The following NFIC variants were observed in gnomAD, a reference collection of about 807,000 sequenced individuals.
NFIC encodes nuclear factor I C, also known as nuclear factor 1 C-type.
A neutral mutation model predicts 54.4 loss-of-function variants in NFIC; 12 were observed. The ratio of observed to expected loss-of-function variants is 0.22; its 90% confidence interval spans 0.14 to 0.36. The LOEUF is 0.36. Ranked by LOEUF, NFIC falls within the 10% of genes least tolerant of loss-of-function variation. The pLI is 1.00. For synonymous variants in NFIC, 322 were observed against 319.2 expected, an observed-to-expected ratio of 1.01 and a Z score of -0.09; for missense variants, 575 against 718.2, an observed-to-expected ratio of 0.80 and a Z score of 2.28.
At position 3,465,140 on chromosome 19, in the gene NFIC, C is replaced by G. The variant is rs1482090043; in HGVS notation, c.*2371C>G. The G allele has an allele frequency of 3.7e-5, 5 of 135,936 alleles. No homozygotes were observed. Among genetic ancestry groups the G allele is most frequent in the South Asian group, 4.9e-4 (2 of 4,094 alleles). 8.4% of individuals were successfully genotyped at this position (135,936 alleles called of 1,614,324 possible). A position where few individuals can be genotyped will look rare whatever the true frequency, so the allele number is the denominator to read the frequency against. On this transcript the variant is annotated 3_prime_UTR_variant, in exon 11 of 11. Coordinates refer to ENST00000443272, the MANE Select transcript of NFIC (RefSeq NM_001245002.2). ...CCTGTTCCTCGCCCCCTCCACCCCC[C>G]ACTTCCTCTTTAAAAAAAAAAAAAA...
intron 6 of NFIC, among the ~76,000 whole-genome samples, chr19:3,442,740 G>T (rs760413746): frequency 1.3e-5 from 2 of 152,038 alleles, no homozygotes; most frequent in South Asian, 4.2e-4. Context: ...GTGGCCTGGG[G>T]AGGGACAGAG....
Position 3,469,103 on chromosome 19 carries a change from A to G in NFIC, c.*6334A>G, listed in dbSNP as rs1443949001. ...TTGTTTATTTGTTCCCTATGCAAAAAAAAAATGAAAATGAAAAAAGGGGGA... is the reference window on the plus strand; with the variant it reads ...TTGTTTATTTGTTCCCTATGCAAAAGAAAAATGAAAATGAAAAAAGGGGGA... On this transcript the variant is annotated 3_prime_UTR_variant, in exon 11 of 11. Coordinates refer to ENST00000443272, the MANE Select transcript of NFIC (RefSeq NM_001245002.2). 3 of 152,276 alleles carry G rather than the reference A, an allele frequency of 2.0e-5. No individual in the cohort carries two copies. The highest frequency in any genetic ancestry group is 7.2e-5 in the African/African-American group (3 of 41,480). 9.4% of individuals were successfully genotyped at this position (152,276 alleles called of 1,614,324 possible). A position where few individuals can be genotyped will look rare whatever the true frequency, so the allele number is the denominator to read the frequency against.
Position 3,462,823 on chromosome 19 carries a change from A to G in NFIC, c.*54A>G. On this transcript the variant is annotated 3_prime_UTR_variant, in exon 11 of 11. Coordinates refer to ENST00000443272, the MANE Select transcript of NFIC (RefSeq NM_001245002.2). Reference sequence around the variant, plus strand: ...CATCGTCCCAGGAATCCCAGGGGGCAGCACAGCCGGCCCCCGGCCCACGTT... The same window carrying G: ...CATCGTCCCAGGAATCCCAGGGGGCGGCACAGCCGGCCCCCGGCCCACGTT... The G allele has an allele frequency of 6.2e-7, 1 of 1,613,224 alleles. No individual in the cohort carries two copies. The highest frequency in any genetic ancestry group is 8.5e-7 in the Non-Finnish European group (1 of 1,179,780).
chr19:3,439,238 G>A (rs1412226303), intron 6 of NFIC, among the ~76,000 whole-genome samples: 1 of 148,222 alleles, frequency 6.7e-6, no homozygotes, highest in Non-Finnish European at 1.5e-5. Flanking sequence ...GGGAGGCTGA[G>A]GTGAGAGGAT....
intron 1 of NFIC, among the ~76,000 whole-genome samples, chr19:3,367,287 C>T (rs972073214): frequency 1.3e-5 from 2 of 152,152 alleles, no homozygotes; most frequent in African/African-American, 2.4e-5. Flanking sequence ...CTCCGGCGGC[C>T]CGGCTGGGTC....
At chr19:3,428,219 C>T (rs1483493229) in intron 3 of NFIC, among the ~76,000 whole-genome samples, 4 of 148,084 alleles carry the variant, frequency 2.7e-5, no homozygotes, top group Admixed American at 6.7e-5. Context: ...GGGGCCAGGG[C>T]GCAGTGGCTT....
At chr19:3,363,462 G>A (rs2080844460), upstream of NFIC, among the ~76,000 whole-genome samples, 1 of 151,214 alleles carries the variant, frequency 6.6e-6, no homozygotes, top group South Asian at 2.1e-4. Flanking sequence ...AGTAGAGACG[G>A]GGTTTCGCCA....
chr19:3,414,291 G>T (rs1257452905), intron 2 of NFIC, among the ~76,000 whole-genome samples: 1 of 151,958 alleles, frequency 6.6e-6, no homozygotes, highest in Admixed American at 6.6e-5. Flanking sequence ...TTTTGTTTAC[G>T]ACCCTTTAAA....
chr19:3,370,733 C>A lies in NFIC; in HGVS notation c.30+4067C>A, dbSNP rs1338189973. 6.6e-6 allele frequency among the ~76,000 whole-genome samples: 1 copy of A among 151,064 alleles called. No homozygotes were observed. Among genetic ancestry groups the A allele is most frequent in the African/African-American group, 2.4e-5 (1 of 40,930 alleles). ...CTCCCTCCCTTCCTCTCTCTCTGTT[C>A]CTCCTCTTCTTTCTCTCTCTCTGTC... On this transcript the variant is annotated intron_variant, in intron 1 of 10. Transcript: ENST00000443272. This position sits in a 1 kb window ranked among gnomAD's most constrained non-coding sequence, Gnocchi z 5.2.
Position 3,382,130 on chromosome 19 carries a change from G to A in NFIC, c.449G>A (p.Arg150His), listed in dbSNP as rs2081220141. The change falls in exon 2 of 11, where the codon CGC becomes CAC. Residue 150 changes from arginine to histidine, a missense_variant. Coordinates refer to ENST00000443272, the MANE Select transcript of NFIC (RefSeq NM_001245002.2). ...CCGCTGGAGAGCACCGACGGCGAGC[G>A]CCTGGTCAAGGCTGCGCAGTGCGGT... ...GIPLESTDGE[R>H]LVKAAQCGHP... The A allele has an allele frequency of 1.9e-6, 3 of 1,613,298 alleles. No individual in the cohort carries two copies. The highest frequency in any genetic ancestry group is 2.2e-5 in the East Asian group (1 of 44,882).
intron 6 of NFIC, among the ~76,000 whole-genome samples, chr19:3,448,289 T>A (rs1240950143): frequency 6.6e-6 from 1 of 152,176 alleles, no homozygotes; most frequent in Non-Finnish European, 1.5e-5. Flanking sequence ...GCCAGGCTGG[T>A]CTTGAACTCC....
In NFIC at chr19:3,463,084, G is replaced by A. The variant is rs1235453544; in HGVS notation, c.*315G>A. The A allele has an allele frequency of 7.7e-7, 1 of 1,297,806 alleles. No homozygotes were observed. The highest frequency in any genetic ancestry group is 9.8e-7 in the Non-Finnish European group (1 of 1,023,156). 80.4% of individuals were successfully genotyped at this position (1,297,806 alleles called of 1,614,324 possible). Reference sequence around the variant, plus strand: ...GGGCCAGGCCCCGCCACCCCCACGGGAGACCCGGGACAGGGCGTCTTCCTA... The same window carrying A: ...GGGCCAGGCCCCGCCACCCCCACGGAAGACCCGGGACAGGGCGTCTTCCTA... On this transcript the variant is annotated 3_prime_UTR_variant, in exon 11 of 11. Coordinates refer to ENST00000443272, the MANE Select transcript of NFIC (RefSeq NM_001245002.2).
chr19:3,429,255 C>CACACACACACACAT (rs2082082727), intron 3 of NFIC, among the ~76,000 whole-genome samples: 1 of 50,620 alleles, frequency 2.0e-5, no homozygotes, highest in Non-Finnish European at 3.2e-5. Context: ...AAAATATATA[C>CACACACACACACAT]ACACACACAC....
At chr19:3,373,224 C>T (rs986820299) in intron 1 of NFIC, among the ~76,000 whole-genome samples, 2 of 152,232 alleles carry the variant, frequency 1.3e-5, no homozygotes, top group Non-Finnish European at 2.9e-5. Flanking sequence ...CTCTCTCCTC[C>T]ACCTCCTGGC....
intron 6 of NFIC, among the ~76,000 whole-genome samples, chr19:3,441,721 G>A (rs983547874): frequency 2.0e-5 from 3 of 152,210 alleles, no homozygotes; most frequent in Non-Finnish European, 4.4e-5. Flanking sequence ...CTGGGGGCAC[G>A]GGGAGGGCCA....
In NFIC at chr19:3,359,660, C is replaced by T; in HGVS notation, c.-23C>T. 3 of 1,401,814 alleles carry T rather than the reference C, an allele frequency of 2.1e-6. 1 individual carries two copies. The highest frequency in any genetic ancestry group is 4.6e-4 in the Middle Eastern group (2 of 4,322). 86.8% of individuals were successfully genotyped at this position (1,401,814 alleles called of 1,614,324 possible). On this transcript the variant is annotated 5_prime_UTR_variant, in exon 1 of 10. Transcript: ENST00000395111. ...CCGAGCGCGCTCGCTCCGGCGCCGG[C>T]CTCGCCTCCTCGCAGCAGCGCCATG... is the stretch of plus-strand genomic sequence containing the variant.
intron 1 of NFIC, among the ~76,000 whole-genome samples, chr19:3,360,012 C>G (rs1212880456): frequency 1.3e-5 from 2 of 149,340 alleles, no homozygotes; most frequent in Non-Finnish European, 3.0e-5. Context: ...GCCCCCTCCC[C>G]GGGCCAGACC....
intron 2 of NFIC, among the ~76,000 whole-genome samples, chr19:3,423,296 C>T (rs1337507475): frequency 6.6e-6 from 1 of 152,154 alleles, no homozygotes; most frequent in Non-Finnish European, 1.5e-5. Flanking sequence ...TCAGGAGTAT[C>T]CTCTCCTCAC....
At chr19:3,381,355 A>C (rs2081203077) in intron 1 of NFIC, among the ~76,000 whole-genome samples, 1 of 145,698 alleles carries the variant, frequency 6.9e-6, no homozygotes, top group Admixed American at 7.2e-5. Flanking sequence ...AGATTGCGCC[A>C]CTGCACTCCA....
Sources: allele counts gnomAD v4.1 joint callset (sites outside exome capture counted in the v4.1 genomes callset), GRCh38; gene constraint gnomAD v4.1.1; non-coding constraint Gnocchi (gnomAD v3.1); transcripts MANE v1.5; gene names NCBI Gene and HGNC (gene_info 2026-07-23, HGNC 2026-07-21).